IQSEC3: variants seen among roughly 807,000 people sequenced by gnomAD.
IQSEC3 encodes the protein IQ motif and Sec7 domain ArfGEF 3.
A neutral mutation model predicts 105.4 loss-of-function variants in IQSEC3; 50 were observed. The ratio of observed to expected loss-of-function variants is 0.47; its 90% confidence interval spans 0.38 to 0.60. The LOEUF is 0.60. Among genes scored for constraint, IQSEC3 ranks in the 20% least tolerant of loss-of-function variants. The pLI is 0.00. For missense variants in IQSEC3, 1,415 were observed against 1,630.0 expected (o/e 0.87, Z 2.27); for synonymous variants, 708 against 746.0 (o/e 0.95, Z 0.83).
chr12:70,573 C>A (rs188630651), intron 1 of IQSEC3, among the ~76,000 whole-genome samples: 177 of 152,348 alleles, frequency 1.2e-3, no homozygotes, highest in Non-Finnish European at 1.7e-3. Context: ...TCAAGGCTCA[C>A]GGCATCTACA....
chr12:121,273 G>A (rs1389284665), intron 2 of IQSEC3, among the ~76,000 whole-genome samples: 4 of 152,226 alleles, frequency 2.6e-5, no homozygotes, highest in African/African-American at 9.6e-5. Context: ...CTGGATTGAA[G>A]TAGATGGCCT....
At chr12:127,292 G>C (rs554926818) in intron 3 of IQSEC3, among the ~76,000 whole-genome samples, 1 of 152,016 alleles carries the variant, frequency 6.6e-6, no homozygotes, top group Non-Finnish European at 1.5e-5. Flanking sequence ...AGGCCAAGGC[G>C]GGTGGATCAC....
chr12:165,974 TC>T, intron 11 of IQSEC3, 84 bp downstream of exon 11: 1 of 1,493,072 alleles, frequency 6.7e-7, no homozygotes. Context: ...CATGCCTGAC[TC>T]CAGGGAGCTG....
chr12:94,249 C>A (rs2136908829), intron 1 of IQSEC3, among the ~76,000 whole-genome samples: 1 of 152,290 alleles, frequency 6.6e-6, no homozygotes, highest in East Asian at 1.9e-4. Flanking sequence ...TTGCCAAAAA[C>A]CCTTTGAAGA....
intron 7 of IQSEC3, among the ~76,000 whole-genome samples, chr12:161,014 G>T (rs2137047200): frequency 6.6e-6 from 1 of 152,234 alleles, no homozygotes; most frequent in East Asian, 1.9e-4. Context: ...CCCGCCGCCT[G>T]ATTTCTTTCA....
chr12:104,232 ACTG>A (rs1268824769), intron 2 of IQSEC3, among the ~76,000 whole-genome samples: 3 of 152,116 alleles, frequency 2.0e-5, no homozygotes, highest in Non-Finnish European at 4.4e-5. Flanking sequence ...CCGAGGGACC[ACTG>A]CTAATTATTT....
At chr12:69,833 C>T (rs573728938) in intron 1 of IQSEC3, among the ~76,000 whole-genome samples, 36 of 152,376 alleles carry the variant, frequency 2.4e-4, no homozygotes, top group African/African-American at 4.3e-4. Context: ...GCTCTCTGCC[C>T]GTGGCCCGTT....
chr12:170,333 G>A (rs1938915387), intron 12 of IQSEC3, among the ~76,000 whole-genome samples: 1 of 151,762 alleles, frequency 6.6e-6, no homozygotes, highest in South Asian at 2.1e-4. Context: ...TTTGGAAGCT[G>A]CCCGCCCTGG....
At chr12:98,299 C>T (rs1249041238) in intron 1 of IQSEC3, among the ~76,000 whole-genome samples, 2 of 152,198 alleles carry the variant, frequency 1.3e-5, no homozygotes, top group Non-Finnish European at 2.9e-5. Context: ...TAGTGCCTCT[C>T]AATCCTGGCT....
Position 138,922 on chromosome 12 carries a change from C to G in IQSEC3, c.1559C>G (p.Ala520Gly). The G allele has an allele frequency of 6.2e-7, 1 of 1,600,180 alleles. No individual in the cohort carries two copies. Among genetic ancestry groups the G allele is most frequent in the Non-Finnish European group, 8.5e-7 (1 of 1,174,236 alleles). Residue 520 changes from alanine (A) to glycine (G), a missense_variant, in exon 4 of 14, where the codon GCA becomes GGA. Ala to Gly is a moderately conservative substitution (Grantham distance 60, BLOSUM62 0). Coordinates refer to ENST00000538872, the MANE Select transcript of IQSEC3 (RefSeq NM_001170738.2). The surrounding 1 kb of genome is among the most constrained non-coding windows in gnomAD (Gnocchi z 7.1). ...CLGAQTVQAP[A>G]EPAAGKAEQG... ...GGCGCTCAGACGGTCCAGGCCCCCG[C>G]AGAGCCCGCGGCGGGCAAGGCCGAG...
chr12:138,481 G>C lies in IQSEC3; in HGVS notation c.1118G>C (p.Gly373Ala). Residue 373 changes from glycine (G) to alanine (A), a missense_variant, in exon 4 of 14, where the codon GGC becomes GCC. This residue lies in a region of IQSEC3 where 720 missense variants were observed against 633.0 expected (regional missense o/e 1.14). Coordinates refer to ENST00000538872, the MANE Select transcript of IQSEC3 (RefSeq NM_001170738.2). The surrounding 1 kb of genome is among the most constrained non-coding windows in gnomAD (Gnocchi z 7.1). ...GCGGCCGAGAAAGCGCTCATGGAGG[G>C]CTACGGCCTCGTGGGGCTGCCGCTG... ...SLAAEKALMEGYGLVGLPLVR... is the reference protein window; with the variant it reads ...SLAAEKALMEAYGLVGLPLVR... 1.9e-6 allele frequency: 3 copies of C among 1,595,898 alleles called. No homozygotes were observed. The highest frequency in any genetic ancestry group is 1.7e-6 in the Non-Finnish European group (2 of 1,176,570).
Position 125,928 on chromosome 12 carries a change from T to TC in IQSEC3, c.903+16_903+17insC. 4 of 1,528,956 alleles carry TC rather than the reference T, an allele frequency of 2.6e-6. No individual in the cohort carries two copies. The highest frequency in any genetic ancestry group is 3.5e-6 in the Non-Finnish European group (4 of 1,144,542). The allele number at this position is 1,528,956 out of a possible 1,614,324, so 94.7% of individuals were successfully genotyped here. A position where few individuals can be genotyped will look rare whatever the true frequency, so the allele number is the denominator to read the frequency against. On this transcript the variant is annotated intron_variant, in intron 3 of 13. Coordinates refer to ENST00000538872, the MANE Select transcript of IQSEC3 (RefSeq NM_001170738.2). ...GAATAAACAGGTACCCAGGGCCTCC[T>TC]AGGGGGGCGGGGAGGGTGGTGAAGG...
At chr12:83,871 A>G (rs1442488603) in intron 1 of IQSEC3, among the ~76,000 whole-genome samples, 2 of 152,128 alleles carry the variant, frequency 1.3e-5, no homozygotes, top group African/African-American at 2.4e-5. Context: ...ACCTCCACTT[A>G]CTTGATTTCT....
chr12:144,939 C>T (rs564997956), intron 5 of IQSEC3, among the ~76,000 whole-genome samples: 2 of 152,318 alleles, frequency 1.3e-5, no homozygotes, highest in East Asian at 3.9e-4. Context: ...TCAAGAGAAC[C>T]CCTCACCTCA....
chr12:143,721 G>C, intron 5 of IQSEC3: 1 of 175,446 alleles, frequency 5.7e-6, no homozygotes, highest in Non-Finnish European at 1.2e-5. Flanking sequence ...GGGCAGTGCT[G>C]GGGTGCCAGG....
intron 3 of IQSEC3, among the ~76,000 whole-genome samples, chr12:129,190 G>T (rs1178694502): frequency 6.6e-6 from 1 of 152,250 alleles, no homozygotes; most frequent in South Asian, 2.1e-4. Context: ...TGTTCTCAGG[G>T]CTGTGTGGAG....
chr12:125,842 C>T lies in IQSEC3; in HGVS notation c.833C>T (p.Ala278Val), dbSNP rs782595467. The change falls in exon 3 of 14, where the codon GCG (alanine) becomes GTG (valine). Residue 278 changes from alanine to valine, a missense_variant. Ala to Val is a moderately conservative substitution (Grantham distance 64). Coordinates refer to ENST00000538872, the MANE Select transcript of IQSEC3 (RefSeq NM_001170738.2). Reference sequence around the variant, plus strand: ...CCCGGCCGGCAGCAGCCTGCCCTGGCGACGGCGCTGTGCCCCCACGCCCCT... The same window carrying T: ...CCCGGCCGGCAGCAGCCTGCCCTGGTGACGGCGCTGTGCCCCCACGCCCCT... ...ASPGRQQPALATALCPHAPAA... is the reference protein window; with the variant it reads ...ASPGRQQPALVTALCPHAPAA... 2.2e-4 allele frequency: 339 copies of T among 1,532,674 alleles called. No individual in the cohort carries two copies. The highest frequency in any genetic ancestry group is 3.7e-4 in the East Asian group (15 of 40,796). The allele number at this position is 1,532,674 out of a possible 1,614,324, so 94.9% of individuals were successfully genotyped here. A position where few individuals can be genotyped will look rare whatever the true frequency, so the allele number is the denominator to read the frequency against.
At chr12:79,632 A>G (rs377154582) in intron 1 of IQSEC3, among the ~76,000 whole-genome samples, 1 of 151,986 alleles carries the variant, frequency 6.6e-6, no homozygotes, top group African/African-American at 2.4e-5. Context: ...AGGCCTCCCT[A>G]TGTTGCCCAG....
Position 138,703 on chromosome 12 carries a change from C to G in IQSEC3, c.1340C>G (p.Pro447Arg). Residue 447 changes from proline (P) to arginine (R), a missense_variant, in exon 4 of 14, where the codon CCA (proline) becomes CGA (arginine). By Grantham distance (103) the Pro-to-Arg change is moderately radical (BLOSUM62 -2). Around this residue, in one of 6 missense-constraint regions of IQSEC3, gnomAD observed 720 missense variants for 633.0 expected, o/e 1.14. Coordinates refer to ENST00000538872, the MANE Select transcript of IQSEC3 (RefSeq NM_001170738.2). The surrounding 1 kb of genome is among the most constrained non-coding windows in gnomAD (Gnocchi z 7.1). ...GCCCTGCAGGCGGCCGCGGGGCCCC[C>G]AGGCCTGGAGGCCGAGGGGCGGGCG... Reference protein sequence around the residue: ...HQALQAAAGPPGLEAEGRAPE... With the variant: ...HQALQAAAGPRGLEAEGRAPE... The G allele has an allele frequency of 6.6e-7, 1 of 1,525,910 alleles. No homozygotes were observed. Among genetic ancestry groups the G allele is most frequent in the Non-Finnish European group, 8.8e-7 (1 of 1,140,834 alleles). The allele number at this position is 1,525,910 out of a possible 1,614,324, so 94.5% of individuals were successfully genotyped here. A position where few individuals can be genotyped will look rare whatever the true frequency, so the allele number is the denominator to read the frequency against.
Sources: allele counts gnomAD v4.1 joint callset (sites outside exome capture counted in the v4.1 genomes callset), GRCh38; gene constraint gnomAD v4.1.1; regional missense constraint gnomAD v4.1.1; non-coding constraint Gnocchi (gnomAD v3.1); transcripts MANE v1.5; gene names NCBI Gene and HGNC (gene_info 2026-07-23, HGNC 2026-07-21).